Variants in IPP observed in about 807,000 individuals in gnomAD.
The protein encoded by IPP is intracisternal A particle-promoted polypeptide, also known as actin-binding protein IPP.
IPP carries 41 observed loss-of-function variants against 64.1 expected under a neutral mutation model. The observed-to-expected ratio is 0.64, with a 90% confidence interval of 0.50 to 0.83. The LOEUF (loss-of-function observed/expected upper bound fraction) is 0.83, where lower values mean the gene tolerates loss of function less well. IPP is among the 40% of genes least tolerant of loss of function. IPP has a pLI of 0.00. For missense variants in IPP, 649 were observed against 703.0 expected (o/e 0.92, Z 0.87); for synonymous variants, 214 against 235.2 (o/e 0.91, Z 0.83).
intron 8 of IPP, among the ~76,000 whole-genome samples, chr1:45,707,030 A>C (rs1645520689): frequency 6.6e-6 from 1 of 152,228 alleles, no homozygotes; most frequent in African/African-American, 2.4e-5. Flanking sequence ...ACTTGAGCTT[A>C]GGAGTTTGAT....
intron 8 of IPP, among the ~76,000 whole-genome samples, chr1:45,703,694 C>T (rs1469923881): frequency 1.3e-5 from 2 of 152,102 alleles, no homozygotes; most frequent in Non-Finnish European, 2.9e-5. Flanking sequence ...TTACTCAATT[C>T]CTATTAACAG....
At chr1:45,700,930 C>A (rs1645442388) in intron 8 of IPP, among the ~76,000 whole-genome samples, 2 of 152,160 alleles carry the variant, frequency 1.3e-5, no homozygotes, top group South Asian at 4.1e-4. Context: ...AAGAGAATGA[C>A]ACAGCATGGA....
chr1:45,706,016 C>G (rs1370556540), intron 8 of IPP, among the ~76,000 whole-genome samples: 1 of 152,086 alleles, frequency 6.6e-6, no homozygotes, highest in Non-Finnish European at 1.5e-5. Context: ...GAGTTTGGTA[C>G]AGTATACAGG....
Position 45,700,009 on chromosome 1 carries a change from T to G in IPP, c.1712A>C (p.Asn571Thr). 6.2e-7 allele frequency: 1 copy of G among 1,614,214 alleles called. No individual in the cohort carries two copies. The highest frequency in any genetic ancestry group is 1.1e-5 in the South Asian group (1 of 91,090). Reference protein sequence around the residue: ...PHSDTWTEIGNMITSRCEGGV... With the variant: ...PHSDTWTEIGTMITSRCEGGV... ...CCCTTCACAACGACTGGTGATCATG[T>G]TACCAATTTCTGTCCATGTATCTGA... The change falls in exon 9 of 9, where the codon AAC (asparagine) becomes ACC (threonine). Residue 571 changes from asparagine to threonine, a missense_variant. Transcript: ENST00000396478.
In IPP at chr1:45,741,270, A is replaced by T. The variant is rs769173015; in HGVS notation, c.355T>A (p.Leu119Met). Residue 119 changes from leucine to methionine, a missense_variant, in exon 3 of 9, where the codon TTG (leucine) becomes ATG (methionine). Leu to Met is a conservative substitution (Grantham distance 15). Coordinates refer to ENST00000396478, the MANE Select transcript of IPP (RefSeq NM_005897.3). ...CAGCAAAGATGAACAACTTCAGTCAACTGTAGCATGTCTGCTGCAATAATC... is the reference window on the plus strand; with the variant it reads ...CAGCAAAGATGAACAACTTCAGTCATCTGTAGCATGTCTGCTGCAATAATC... Reference protein sequence around the residue: ...ELIIAADMLQLTEVVHLCCEF... With the variant: ...ELIIAADMLQMTEVVHLCCEF... 6.2e-7 allele frequency: 1 copy of T among 1,614,066 alleles called. No individual in the cohort carries two copies. The highest frequency in any genetic ancestry group is 1.1e-5 in the South Asian group (1 of 91,078).
In IPP at chr1:45,699,080, T is replaced by G. The variant is rs541615868; in HGVS notation, c.*886A>C. On this transcript the variant is annotated 3_prime_UTR_variant, in exon 9 of 9. Coordinates refer to ENST00000396478, the MANE Select transcript of IPP (RefSeq NM_005897.3). ...ACTGCCTGCTGGACTGTATAGCCCA[T>G]TACAACATCTGGTCACTAAGAACCT... The G allele has an allele frequency of 1.0e-6, 1 of 985,370 alleles. No homozygotes were observed. Among genetic ancestry groups the G allele is most frequent in the East Asian group, 1.1e-4 (1 of 8,812 alleles). 61.0% of individuals were successfully genotyped at this position (985,370 alleles called of 1,614,324 possible).
At chr1:45,733,596 C>G (rs938150515) in intron 3 of IPP, among the ~76,000 whole-genome samples, 1 of 151,654 alleles carries the variant, frequency 6.6e-6, no homozygotes, top group African/African-American at 2.4e-5. Context: ...CTTTGGGAGG[C>G]CGAGGCAGAC....
chr1:45,724,833 G>C (rs1482391802), intron 5 of IPP, among the ~76,000 whole-genome samples: 1 of 150,352 alleles, frequency 6.7e-6, no homozygotes, highest in Non-Finnish European at 1.5e-5. Context: ...CAGCCACCCC[G>C]TCTGGGAAGT....
chr1:45,734,248 G>T lies in IPP; in HGVS notation c.725-4479C>A, dbSNP rs139354864. ...AATTTGAAACTATGATTCTTTTAAT[G>T]ATTTTCATCTTTTGTCCTTAATTCT... On this transcript the variant is annotated intron_variant, in intron 3 of 8. Coordinates refer to ENST00000396478, the MANE Select transcript of IPP (RefSeq NM_005897.3). Among the ~76,000 whole-genome samples, 299 of 152,158 alleles carry T rather than the reference G, an allele frequency of 2.0e-3. 1 individual carries two copies. Among genetic ancestry groups the T allele is most frequent in the African/African-American group, 6.9e-3 (285 of 41,530 alleles).
intron 8 of IPP, among the ~76,000 whole-genome samples, chr1:45,700,561 C>T (rs987497853): frequency 5.3e-5 from 8 of 152,146 alleles, no homozygotes; most frequent in Admixed American, 3.9e-4. Flanking sequence ...TGGTCTTAAA[C>T]TCCTAAACTC....
intron 7 of IPP, among the ~76,000 whole-genome samples, chr1:45,716,073 T>C (rs563300534): frequency 7.0e-4 from 106 of 152,244 alleles, no homozygotes; most frequent in Non-Finnish European, 1.0e-3. Flanking sequence ...TAAAACAGCT[T>C]ACTACCTACC....
chr1:45,700,082 A>G lies in IPP; in HGVS notation c.1639T>C (p.Phe547Leu). ...GAGTCCAAGGTACCTGGAGCCAAAA[A>G]ATCATGGCTGGAAGATCGACCTCCA... ...VSGGRSSSHD[F>L]LAPGTLDSVE... The change falls in exon 9 of 9, where the codon TTT becomes CTT. Residue 547 changes from phenylalanine (F) to leucine (L), a missense_variant. By Grantham distance (22) the Phe-to-Leu change is conservative. Transcript: ENST00000396478. 6.2e-7 allele frequency: 1 copy of G among 1,614,164 alleles called. No homozygotes were observed. The highest frequency in any genetic ancestry group is 8.5e-7 in the Non-Finnish European group (1 of 1,180,028).
At chr1:45,727,540 A>T in intron 5 of IPP, 91 bp downstream of exon 5, 1 of 629,832 alleles carries the variant, frequency 1.6e-6, no homozygotes, top group Non-Finnish European at 2.5e-6. Flanking sequence ...AATTAGATAT[A>T]TGTATATCAC....
chr1:45,724,013 G>A (rs28594599), intron 5 of IPP, among the ~76,000 whole-genome samples: 40,218 of 142,476 alleles, frequency 0.28, 5,729 homozygotes, highest in South Asian at 0.37. Flanking sequence ...CTCCTTCCAC[G>A]GTCTCCCTCT....
At chr1:45,724,403 C>G (rs1645777977) in intron 5 of IPP, among the ~76,000 whole-genome samples, 1 of 151,892 alleles carries the variant, frequency 6.6e-6, no homozygotes, top group Non-Finnish European at 1.5e-5. Context: ...GCCGCCACCC[C>G]GTCTGGGAAG....
At chr1:45,730,380 C>G (rs1265218511) in intron 3 of IPP, among the ~76,000 whole-genome samples, 1 of 151,342 alleles carries the variant, frequency 6.6e-6, no homozygotes, top group African/African-American at 2.4e-5. Flanking sequence ...AGAAGAATTT[C>G]CAAATAAAGA....
chr1:45,732,009 A>G (rs543770128), intron 3 of IPP, among the ~76,000 whole-genome samples: 73 of 152,112 alleles, frequency 4.8e-4, no homozygotes, highest in Non-Finnish European at 9.0e-4. Flanking sequence ...AGAAGAAAAC[A>G]TCAGCTACAA....
intron 8 of IPP, among the ~76,000 whole-genome samples, chr1:45,711,746 T>A (rs1569966751): frequency 1.4e-5 from 2 of 147,114 alleles, no homozygotes; most frequent in Middle Eastern, 3.5e-3. Flanking sequence ...AGAGTAAGAC[T>A]CTGTCACAAA....
At chr1:45,730,197 C>T (rs924640172) in intron 3 of IPP, among the ~76,000 whole-genome samples, 1 of 151,816 alleles carries the variant, frequency 6.6e-6, no homozygotes, top group Non-Finnish European at 1.5e-5. Context: ...ACAAAAAATA[C>T]AAAAATTAGC....
Sources: gnomAD v4.1 joint callset for allele counts (sites outside exome capture counted in the v4.1 genomes callset) on GRCh38, gnomAD v4.1.1 for gene constraint, MANE v1.5 for transcripts, NCBI Gene and HGNC (gene_info 2026-07-23, HGNC 2026-07-21) for gene names.